The following GPC6 variants were observed in gnomAD, a reference collection of about 807,000 sequenced individuals.
GPC6 encodes the protein glypican-6.
Under a neutral mutation model 55.2 loss-of-function variants are expected in GPC6, and 14 were observed. The observed-to-expected ratio is 0.25, with a 90% confidence interval of 0.17 to 0.40. The LOEUF (loss-of-function observed/expected upper bound fraction) is 0.40, where lower values mean the gene tolerates loss of function less well. Among genes scored for constraint, GPC6 ranks in the 10% least tolerant of loss-of-function variants. The pLI, the probability that GPC6 is intolerant of heterozygous loss-of-function variation, is 1.00. For missense variants in GPC6, 641 were observed against 708.5 expected, an observed-to-expected ratio of 0.90 and a Z score of 1.08; for synonymous variants, 278 against 259.6, an observed-to-expected ratio of 1.07 and a Z score of -0.68.
intron 2 of GPC6, among the ~76,000 whole-genome samples, chr13:93,621,262 C>T (rs774793937): frequency 6.6e-6 from 1 of 152,140 alleles, no homozygotes; most frequent in Non-Finnish European, 1.5e-5. Flanking sequence ...TGGCGGTGAT[C>T]CATGGCACTT....
chr13:93,648,886 T>C (rs538692328), intron 2 of GPC6, among the ~76,000 whole-genome samples: 3 of 152,318 alleles, frequency 2.0e-5, no homozygotes, highest in Non-Finnish European at 4.4e-5. Flanking sequence ...TTTGAATAAA[T>C]TCATTGCCAA....
At chr13:94,112,690 G>A (rs1439148779) in intron 4 of GPC6, among the ~76,000 whole-genome samples, 2 of 152,108 alleles carry the variant, frequency 1.3e-5, no homozygotes, top group East Asian at 1.9e-4. Flanking sequence ...GCTATCTTAA[G>A]TATGACTGGC....
chr13:93,353,375 G>T (rs180893369), intron 1 of GPC6, among the ~76,000 whole-genome samples: 1 of 152,266 alleles, frequency 6.6e-6, no homozygotes, highest in East Asian at 1.9e-4. Context: ...ATCCAGAAAA[G>T]AACACTAACA....
intron 3 of GPC6, among the ~76,000 whole-genome samples, chr13:93,908,018 T>TA (rs1274804467): frequency 6.6e-6 from 1 of 151,940 alleles, no homozygotes; most frequent in East Asian, 1.9e-4. Context: ...AAAACAAAAA[T>TA]ATATTAAAAT....
chr13:94,049,987 C>T (rs1883883336), intron 4 of GPC6, among the ~76,000 whole-genome samples: 1 of 152,118 alleles, frequency 6.6e-6, no homozygotes, highest in South Asian at 2.1e-4. Flanking sequence ...GGTTCTCTCT[C>T]ATTCTCTCTT....
At chr13:93,888,035 C>G (rs1875450293) in intron 3 of GPC6, among the ~76,000 whole-genome samples, 1 of 152,044 alleles carries the variant, frequency 6.6e-6, no homozygotes, top group Non-Finnish European at 1.5e-5. Flanking sequence ...AAAACAAAAC[C>G]AAGAATGCCT....
chr13:94,092,969 TG>T (rs973638070), intron 4 of GPC6, among the ~76,000 whole-genome samples: 1 of 152,118 alleles, frequency 6.6e-6, no homozygotes, highest in Non-Finnish European at 1.5e-5. Flanking sequence ...TTGGATTATT[TG>T]TTTTCTGGCT....
intron 1 of GPC6, among the ~76,000 whole-genome samples, chr13:93,485,487 A>C (rs538692076): frequency 2.9e-4 from 44 of 152,302 alleles, no homozygotes; most frequent in Admixed American, 2.5e-3. Context: ...CAGATGCTGG[A>C]CATAGTCTTG....
intron 4 of GPC6, among the ~76,000 whole-genome samples, chr13:94,235,052 G>A (rs1350831272): frequency 6.6e-6 from 1 of 152,104 alleles, no homozygotes; most frequent in Non-Finnish European, 1.5e-5. Context: ...GAGTTAACAA[G>A]GCTGTACTGT....
intron 2 of GPC6, among the ~76,000 whole-genome samples, chr13:93,810,869 C>T (rs1391898240): frequency 6.6e-6 from 1 of 152,108 alleles, no homozygotes; most frequent in Non-Finnish European, 1.5e-5. Context: ...TTCTTACTTA[C>T]ATAGTTTTGA....
intron 4 of GPC6, among the ~76,000 whole-genome samples, chr13:94,077,120 G>A (rs531812010): frequency 1.3e-4 from 19 of 151,666 alleles, no homozygotes; most frequent in African/African-American, 4.3e-4. Context: ...CAATGAACAC[G>A]GGATATTTTT....
chr13:94,260,462 A>G (rs1170604179), intron 4 of GPC6, among the ~76,000 whole-genome samples: 1 of 152,174 alleles, frequency 6.6e-6, no homozygotes, highest in Non-Finnish European at 1.5e-5. Flanking sequence ...ACCTTGGATT[A>G]TACTTGGCCA....
chr13:94,347,006 G>T (rs35888165), intron 6 of GPC6, among the ~76,000 whole-genome samples: 1,819 of 152,254 alleles, frequency 0.012, 13 homozygotes, highest in Non-Finnish European at 0.02. Context: ...ACTAACAGGG[G>T]TGAACAGAAA....
At chr13:93,273,652 C>T (rs565880303) in intron 1 of GPC6, among the ~76,000 whole-genome samples, 5 of 151,920 alleles carry the variant, frequency 3.3e-5, no homozygotes, top group African/African-American at 7.2e-5. Context: ...AGCGAGACTC[C>T]GTCTCAAAAA....
In GPC6 at chr13:94,331,862, A is replaced by G. The variant is rs1877438596; in HGVS notation, c.1152+25739A>G. 2.0e-5 allele frequency among the ~76,000 whole-genome samples: 3 copies of G among 152,230 alleles called. No individual in the cohort carries two copies. The South Asian group carries it at 6.2e-4, about 31-fold the overall frequency. ...CAGGGAAAGTTTTAAGCATTGGAAT[A>G]TAGATATTAAGCCAATTTTGGATTA... On this transcript the variant is annotated intron_variant, in intron 6 of 8. Transcript: ENST00000377047.
chr13:93,615,505 T>A (rs2139547708), intron 2 of GPC6, among the ~76,000 whole-genome samples: 1 of 152,306 alleles, frequency 6.6e-6, no homozygotes, highest in Non-Finnish European at 1.5e-5. Flanking sequence ...CTTTTCCTCC[T>A]TTGTCCTACC....
intron 2 of GPC6, among the ~76,000 whole-genome samples, chr13:93,772,015 T>G (rs536412104): frequency 6.6e-6 from 1 of 152,272 alleles, no homozygotes; most frequent in African/African-American, 2.4e-5. Context: ...AATTATAATT[T>G]TTGAAGCGTT....
At chr13:93,872,708 T>C (rs1199396090) in intron 3 of GPC6, among the ~76,000 whole-genome samples, 1 of 151,876 alleles carries the variant, frequency 6.6e-6, no homozygotes, top group Non-Finnish European at 1.5e-5. Flanking sequence ...CATCTCAGGA[T>C]CCTTAATTTT....
At chr13:93,580,027 C>T (rs1421902502) in intron 2 of GPC6, among the ~76,000 whole-genome samples, 3 of 152,180 alleles carry the variant, frequency 2.0e-5, no homozygotes, top group Non-Finnish European at 4.4e-5. Context: ...ATGTCCCAGT[C>T]ACTTCAGGCT....
Sources: gnomAD v4.1 joint callset for allele counts (sites outside exome capture counted in the v4.1 genomes callset) on GRCh38, gnomAD v4.1.1 for gene constraint, MANE v1.5 for transcripts, NCBI Gene and HGNC (gene_info 2026-07-23, HGNC 2026-07-21) for gene names.